PCDHA3: variants seen among roughly 807,000 people sequenced by gnomAD.
The protein encoded by PCDHA3 is protocadherin alpha-3.
Under a neutral mutation model 62.2 loss-of-function variants are expected in PCDHA3, and 41 were observed. The ratio of observed to expected loss-of-function variants is 0.66; its 90% CI spans 0.51 to 0.86. The LOEUF (loss-of-function observed/expected upper bound fraction) is 0.86. PCDHA3 is among the 40% of genes least tolerant of loss of function. The pLI, the probability that PCDHA3 is intolerant of heterozygous loss-of-function variation, is 0.00. For missense variants in PCDHA3, 1,304 were observed against 1,241.2 expected, an observed-to-expected ratio of 1.05 and a Z score of -0.76; for synonymous variants, 640 against 555.4, an observed-to-expected ratio of 1.15 and a Z score of -2.14.
chr5:140,882,094 C>G, intron 1 of PCDHA3: 1 of 1,172,684 alleles, frequency 8.5e-7, no homozygotes. Flanking sequence ...TCACTGAGAA[C>G]GTTTCCGCGA....
chr5:140,803,517 C>G lies in PCDHA3; in HGVS notation c.2320C>G (p.Pro774Ala), dbSNP rs782792820. ...LPKTDLMAFS[P>A]SLPPCPISRD... ...CAAGACCGACCTCATGGCTTTTAGC[C>G]CTAGCCTTCCTCCTTGTCCAATTAG... The change falls in exon 1 of 4, where the codon CCT (proline) becomes GCT (alanine). Residue 774 changes from proline (P) to alanine (A), a missense_variant. Coordinates refer to ENST00000522353, the MANE Select transcript of PCDHA3 (RefSeq NM_018906.3). The G allele has an allele frequency of 1.9e-6, 3 of 1,614,084 alleles. No homozygotes were observed. In the African/African-American group the frequency reaches 4.0e-5, roughly 22 times the overall value.
At chr5:140,849,552 A>C (rs2150440271) in intron 1 of PCDHA3, 1 of 1,598,478 alleles carries the variant, frequency 6.3e-7, no homozygotes, top group South Asian at 1.1e-5. Context: ...GTTGACTATC[A>C]AAACGCTCTC....
At chr5:140,812,188 A>G (rs1284856498) in intron 1 of PCDHA3, 2 of 132,336 alleles carry the variant, frequency 1.5e-5, no homozygotes, top group African/African-American at 6.0e-5. Context: ...TACTGATTCA[A>G]TCTCCTTACT....
intron 1 of PCDHA3, among the ~76,000 whole-genome samples, chr5:140,943,312 A>G (rs1229555554): frequency 1.3e-5 from 2 of 150,890 alleles, no homozygotes; most frequent in African/African-American, 2.4e-5. Context: ...AGTCATTATT[A>G]GCAATATTGT....
intron 1 of PCDHA3, among the ~76,000 whole-genome samples, chr5:140,976,726 T>C (rs2096728998): frequency 6.6e-6 from 1 of 152,202 alleles, no homozygotes; most frequent in East Asian, 1.9e-4. Context: ...TTCATTTATT[T>C]AAACACATTT....
chr5:140,870,149 T>G (rs2051707862), intron 1 of PCDHA3: 2 of 1,613,952 alleles, frequency 1.2e-6, no homozygotes, highest in Non-Finnish European at 8.5e-7. Context: ...TCTCCTGAAG[T>G]CGCCGTGACT....
intron 1 of PCDHA3, chr5:140,825,191 A>G (rs1768473912): frequency 6.6e-6 from 1 of 151,754 alleles, no homozygotes; most frequent in African/African-American, 2.4e-5. Flanking sequence ...CTTGATGATC[A>G]TGAATTATCA....
At chr5:140,861,605 T>C in intron 1 of PCDHA3, 2 of 362,576 alleles carry the variant, frequency 5.5e-6, no homozygotes, top group Non-Finnish European at 1.1e-5. Context: ...TGAAGAACAA[T>C]AAAGACAACC....
chr5:140,831,363 T>A (rs1771496474), intron 1 of PCDHA3: 1 of 31,544 alleles, frequency 3.2e-5, no homozygotes, highest in Non-Finnish European at 6.7e-5. Context: ...CTATTTTGTA[T>A]GTGTGTGTGT....
chr5:140,825,700 G>C (rs2150140795), intron 1 of PCDHA3: 6 of 152,272 alleles, frequency 3.9e-5, no homozygotes, highest in Admixed American at 2.6e-4. Flanking sequence ...GGGATTGCAG[G>C]CATGAGCCAT....
intron 1 of PCDHA3, among the ~76,000 whole-genome samples, chr5:140,944,406 C>G (rs1003379783): frequency 6.6e-6 from 1 of 152,084 alleles, no homozygotes; most frequent in African/African-American, 2.4e-5. Flanking sequence ...AGGCTGGTCT[C>G]GAACTCCTGA....
intron 3 of PCDHA3, among the ~76,000 whole-genome samples, chr5:140,985,438 C>T (rs1438547429): frequency 2.0e-5 from 3 of 152,038 alleles, no homozygotes; most frequent in Non-Finnish European, 2.9e-5. Flanking sequence ...TTAGTTGCTG[C>T]CTGAAGAAAA....
At chr5:141,008,352 A>C (rs549122044) in intron 3 of PCDHA3, among the ~76,000 whole-genome samples, 2 of 152,322 alleles carry the variant, frequency 1.3e-5, no homozygotes, top group South Asian at 4.1e-4. Flanking sequence ...TTCACGTGTC[A>C]ACCAAAGGAG....
At chr5:140,926,139 C>A (rs1434952263) in intron 1 of PCDHA3, among the ~76,000 whole-genome samples, 11 of 152,088 alleles carry the variant, frequency 7.2e-5, no homozygotes, top group Non-Finnish European at 1.5e-4. Flanking sequence ...GCAGCAGGAT[C>A]CAGCGCGGAA....
At chr5:140,869,609 C>T (rs1554163287) in intron 1 of PCDHA3, 1 of 1,613,972 alleles carries the variant, frequency 6.2e-7, no homozygotes, top group Non-Finnish European at 8.5e-7. Flanking sequence ...GCTCTATTGA[C>T]CTACAGGCTA....
chr5:140,957,385 A>G (rs1166781130), intron 1 of PCDHA3, among the ~76,000 whole-genome samples: 1 of 152,192 alleles, frequency 6.6e-6, no homozygotes, highest in Non-Finnish European at 1.5e-5. Flanking sequence ...GTGTATTGTT[A>G]TAATTGTCCT....
intron 3 of PCDHA3, 75 bp from the exon 4 acceptor site, chr5:141,009,552 C>T: frequency 6.4e-7 from 1 of 1,562,176 alleles, no homozygotes; most frequent in Non-Finnish European, 8.7e-7. Context: ...TGCAGTACTC[C>T]TGTACTCTAC....
intron 2 of PCDHA3, among the ~76,000 whole-genome samples, chr5:140,980,144 T>C (rs2096877989): frequency 6.6e-6 from 1 of 152,172 alleles, no homozygotes; most frequent in Admixed American, 6.6e-5. Flanking sequence ...GAAACATTCA[T>C]GCATATACCA....
intron 1 of PCDHA3, chr5:140,852,648 C>T: frequency 1.0e-6 from 1 of 958,186 alleles, no homozygotes; most frequent in Non-Finnish European, 1.3e-6. Flanking sequence ...TTAAACCTAT[C>T]TATATCTGTC....
Sources: allele counts gnomAD v4.1 joint callset (sites outside exome capture counted in the v4.1 genomes callset), GRCh38; gene constraint gnomAD v4.1.1; transcripts MANE v1.5; gene names NCBI Gene and HGNC (gene_info 2026-07-23, HGNC 2026-07-21).